The following RNF216 variants were observed in gnomAD, a reference collection of about 807,000 sequenced individuals.
RNF216 encodes the protein ring finger protein 216.
In RNF216, 72 loss-of-function variants were observed where a neutral mutation model predicts 110.8. The observed-to-expected ratio is 0.65, with a 90% confidence interval of 0.54 to 0.79. The LOEUF (loss-of-function observed/expected upper bound fraction) is 0.79. RNF216 is among the 30% of genes least tolerant of loss of function. RNF216 has a pLI of 0.00. For missense variants in RNF216, 1,342 were observed against 1,141.2 expected, an observed-to-expected ratio of 1.18 and a Z score of -2.54; for synonymous variants, 495 against 407.5, an observed-to-expected ratio of 1.21 and a Z score of -2.59.
At chr7:5,738,014 G>A (rs935838142) in intron 5 of RNF216, among the ~76,000 whole-genome samples, 2 of 150,360 alleles carry the variant, frequency 1.3e-5, no homozygotes, top group African/African-American at 4.9e-5. Context: ...TTGAACCTGG[G>A]AGGTGGAGAC....
chr7:5,761,021 G>C lies in RNF216; in HGVS notation c.49C>G (p.His17Asp). 6.3e-7 allele frequency: 1 copy of C among 1,579,734 alleles called. No individual in the cohort carries two copies. Residue 17 changes from histidine (H) to aspartate (D), a missense_variant, in exon 2 of 17, where the codon CAC becomes GAC. Physicochemically the swap from His to Asp is moderately conservative, Grantham distance 81. Coordinates refer to ENST00000389902, the MANE Select transcript of RNF216 (RefSeq NM_207111.4). Reference sequence around the variant, plus strand: ...AACTTACCTTGTCCCCGATGGCAGTGAAAGTTGTTCAAGTGAATTACCTCT... The same window carrying C: ...AACTTACCTTGTCCCCGATGGCAGTCAAAGTTGTTCAAGTGAATTACCTCT... ...NEEVIHLNNFHCHRGQEWINL... is the reference protein window; with the variant it reads ...NEEVIHLNNFDCHRGQEWINL...
intron 1 of RNF216, among the ~76,000 whole-genome samples, chr7:5,769,385 G>C (rs1231989971): frequency 6.6e-6 from 1 of 151,888 alleles, no homozygotes; most frequent in Non-Finnish European, 1.5e-5. Context: ...CGAAGTGTTG[G>C]GATTACAGGC....
chr7:5,702,838 T>C (rs1011826588), intron 13 of RNF216, among the ~76,000 whole-genome samples: 1 of 152,212 alleles, frequency 6.6e-6, no homozygotes, highest in Non-Finnish European at 1.5e-5. Flanking sequence ...GCTCAGTACG[T>C]GACGGAAGGG....
intron 8 of RNF216, 91 bp downstream of exon 8, chr7:5,725,233 G>A: frequency 1.3e-6 from 1 of 757,608 alleles, no homozygotes. Context: ...ATGCTCAGCA[G>A]ACACCTGTAG....
At chr7:5,766,680 C>A (rs998181355) in intron 1 of RNF216, among the ~76,000 whole-genome samples, 1 of 152,182 alleles carries the variant, frequency 6.6e-6, no homozygotes, top group Admixed American at 6.5e-5. Flanking sequence ...CCAGCTGATG[C>A]TATTTTGTTA....
rs1584502795 is a variant in RNF216, at chr7:5,716,729, T to C, written c.1682A>G (p.Glu561Gly). The C allele has an allele frequency of 1.2e-6, 2 of 1,601,638 alleles. No homozygotes were observed. Among genetic ancestry groups the C allele is most frequent in the Non-Finnish European group, 1.7e-6 (2 of 1,172,892 alleles). ...ATTTCAAACTACCTTTTGATACTGT[T>C]CTTCATTCATCTGTAGGGCAAGCAA... ...DFLLALQMNEEQYQKDGQLIE... is the reference protein window; with the variant it reads ...DFLLALQMNEGQYQKDGQLIE... Residue 561 changes from glutamate to glycine, a missense_variant, in exon 10 of 17, where the codon GAA (glutamate) becomes GGA (glycine). Glu to Gly is a moderately conservative substitution (Grantham distance 98). Coordinates refer to ENST00000389902, the MANE Select transcript of RNF216 (RefSeq NM_207111.4).
chr7:5,723,563 C>T (rs986199383), intron 8 of RNF216, among the ~76,000 whole-genome samples: 1 of 151,920 alleles, frequency 6.6e-6, no homozygotes, highest in Admixed American at 6.6e-5. Flanking sequence ...AGGAGAATGG[C>T]GTGAACCCAG....
At chr7:5,690,232 C>A (rs62453448) in intron 13 of RNF216, among the ~76,000 whole-genome samples, 24 of 149,074 alleles carry the variant, frequency 1.6e-4, no homozygotes, top group African/African-American at 5.7e-4. Context: ...GAGGCTGAGG[C>A]AGGAGAATCT....
chr7:5,648,847 T>C (rs995084964), intron 14 of RNF216, among the ~76,000 whole-genome samples: 6 of 151,962 alleles, frequency 3.9e-5, no homozygotes, highest in African/African-American at 7.3e-5. Flanking sequence ...TCAAATGCAA[T>C]GAATCTCATT....
intron 15 of RNF216, among the ~76,000 whole-genome samples, chr7:5,626,466 C>T (rs764079518): frequency 2.0e-5 from 3 of 150,290 alleles, no homozygotes; most frequent in East Asian, 2.0e-4. Flanking sequence ...ACAAATTAAG[C>T]GAACTGATCC....
chr7:5,736,883 GC>G (rs1212975826), intron 5 of RNF216, among the ~76,000 whole-genome samples: 1 of 151,002 alleles, frequency 6.6e-6, no homozygotes, highest in Non-Finnish European at 1.5e-5. Context: ...CCTCCGCCCG[GC>G]AGCCGCCCCG....
chr7:5,657,279 G>A (rs930667965), intron 13 of RNF216, among the ~76,000 whole-genome samples: 1 of 152,216 alleles, frequency 6.6e-6, no homozygotes, highest in African/African-American at 2.4e-5. Context: ...AAAAAATGGT[G>A]AGACTGGGCC....
chr7:5,777,547 T>G (rs1388810870), intron 1 of RNF216: 2 of 152,228 alleles, frequency 1.3e-5, no homozygotes, highest in Non-Finnish European at 2.9e-5. Context: ...GGGATCTGTG[T>G]ATGTCACTGG....
chr7:5,659,947 C>A (rs1220573876), intron 13 of RNF216, among the ~76,000 whole-genome samples: 5 of 131,274 alleles, frequency 3.8e-5, no homozygotes, highest in Admixed American at 1.9e-4. Context: ...TAATTACATT[C>A]ATTAATTTTT....
At chr7:5,717,617 C>T (rs895123347) in intron 9 of RNF216, among the ~76,000 whole-genome samples, 2 of 152,116 alleles carry the variant, frequency 1.3e-5, no homozygotes, top group Admixed American at 6.5e-5. Flanking sequence ...CCTAAACATC[C>T]ATCAATAGGG....
At chr7:5,651,174 C>G (rs1788361796) in intron 14 of RNF216, among the ~76,000 whole-genome samples, 1 of 151,968 alleles carries the variant, frequency 6.6e-6, no homozygotes, top group African/African-American at 2.4e-5. Flanking sequence ...TAGTTACAAT[C>G]ATGCAGAAGA....
chr7:5,729,794 T>G (rs1252851419), intron 6 of RNF216, among the ~76,000 whole-genome samples, 198 bp from the exon 7 acceptor site: 1 of 152,238 alleles, frequency 6.6e-6, no homozygotes, highest in African/African-American at 2.4e-5. Flanking sequence ...GCCGACAGAC[T>G]AGTTTTACTA....
In RNF216 at chr7:5,700,105, G is replaced by A. The variant is rs560290143; in HGVS notation, c.2061+11656C>T. 4.6e-5 allele frequency among the ~76,000 whole-genome samples: 7 copies of A among 152,206 alleles called. No homozygotes were observed. The East Asian group carries it at 1.4e-3, about 29-fold the overall frequency. The stretch of plus-strand genomic sequence containing the variant: ...TCCCCGCCCTGACACAGACACCCAC[G>A]GGGACAGGGGGTGTTTTCATGCTTG... On this transcript the variant is annotated intron_variant, in intron 13 of 16. Transcript: ENST00000389902.
In RNF216 at chr7:5,712,832, G is replaced by A. The variant is rs199668867; in HGVS notation, c.1865C>T (p.Thr622Met). ...CAGCTCACTGGTTGGGAACGAACAC[G>A]TGCAGCTGCCTTCCATGCAGCTGAG... ...LELSCMEGSCTCSFPTSELEK... is the reference protein window; with the variant it reads ...LELSCMEGSCMCSFPTSELEK... The change falls in exon 12 of 17, where the codon ACG (threonine) becomes ATG (methionine). Residue 622 changes from threonine (T) to methionine (M), a missense_variant. Thr to Met is a moderately conservative substitution (Grantham distance 81). Coordinates refer to ENST00000389902, the MANE Select transcript of RNF216 (RefSeq NM_207111.4). 1.3e-5 allele frequency: 21 copies of A among 1,613,892 alleles called. No individual in the cohort carries two copies. The highest frequency in any genetic ancestry group is 4.5e-5 in the East Asian group (2 of 44,864).
Sources: allele counts gnomAD v4.1 joint callset (sites outside exome capture counted in the v4.1 genomes callset), GRCh38; gene constraint gnomAD v4.1.1; transcripts MANE v1.5; gene names NCBI Gene and HGNC (gene_info 2026-07-23, HGNC 2026-07-21).